FGD5: variants seen among roughly 807,000 people sequenced by gnomAD.
The protein encoded by FGD5 is FYVE, RhoGEF and PH domain containing 5, also known as FYVE, RhoGEF and PH domain-containing protein 5.
A neutral mutation model predicts 133.4 loss-of-function variants in FGD5; 28 were observed. That is an observed-to-expected ratio of 0.21 (90% CI 0.16 to 0.29). The LOEUF (loss-of-function observed/expected upper bound fraction) is 0.29. FGD5 is among the 10% of genes least tolerant of loss of function. The probability of loss-of-function intolerance (pLI) is 1.00; values close to 1 mark genes in which losing one functional copy is unlikely to be tolerated. For missense variants in FGD5, 1,858 were observed against 1,895.2 expected, an observed-to-expected ratio of 0.98 and a Z score of 0.36; for synonymous variants, 810 against 776.5, an observed-to-expected ratio of 1.04 and a Z score of -0.72.
rs372901015 is a variant in FGD5 at position 14,904,758 on chromosome 3, T to C, written c.3265-2882T>C. On this transcript the variant is annotated intron_variant, in intron 9 of 19. Coordinates refer to ENST00000285046, the MANE Select transcript of FGD5 (RefSeq NM_152536.4). ...CAAAGAAATATATGTGTATACCAGC[T>C]TTTGCATATACCCATATCTGTAGAT... 9.2e-5 allele frequency among the ~76,000 whole-genome samples: 14 copies of C among 152,332 alleles called. No individual in the cohort carries two copies. In the East Asian group the frequency reaches 2.1e-3, roughly 23 times the overall value.
chr3:14,817,135 A>T (rs902234622), upstream of FGD5, among the ~76,000 whole-genome samples: 2 of 152,368 alleles, frequency 1.3e-5, no homozygotes, highest in South Asian at 4.1e-4. Flanking sequence ...TTATATATTG[A>T]TTACATATTG....
rs1456708895 is a variant in FGD5 at position 14,819,278 on chromosome 3, C to T, written c.207C>T (p.Pro69=). The change falls in exon 1 of 20, where the codon CCC becomes CCT. Residue 69 remains proline, a synonymous_variant. Transcript: ENST00000285046. This position sits in a 1 kb window ranked among gnomAD's most constrained non-coding sequence, Gnocchi z 4.1. ...SETDEDYIVV[P]RVPLREDEPK... The stretch of plus-strand genomic sequence containing the variant: ...CCGACGAGGATTACATCGTGGTCCC[C>T]AGGGTTCCGCTGAGGGAGGATGAAC... The T allele has an allele frequency of 6.5e-7, 1 of 1,531,620 alleles. No individual in the cohort carries two copies. Among genetic ancestry groups the T allele is most frequent in the South Asian group, 1.3e-5 (1 of 79,780 alleles). 94.9% of individuals were successfully genotyped at this position (1,531,620 alleles called of 1,614,324 possible). A position where few individuals can be genotyped will look rare whatever the true frequency, so the allele number is the denominator to read the frequency against.
chr3:14,933,541 T>C lies in FGD5; in HGVS notation c.*374T>C. On this transcript the variant is annotated 3_prime_UTR_variant, in exon 20 of 20. Coordinates refer to ENST00000285046, the MANE Select transcript of FGD5 (RefSeq NM_152536.4). ...AAGAAGCTCTTACAGTTTTTACTCATGATAAATCTTATCACCTTTCAAAAA... is the reference window on the plus strand; with the variant it reads ...AAGAAGCTCTTACAGTTTTTACTCACGATAAATCTTATCACCTTTCAAAAA... 4.5e-6 allele frequency: 1 copy of C among 222,536 alleles called. No individual in the cohort carries two copies. Among genetic ancestry groups the C allele is most frequent in the South Asian group, 7.8e-5 (1 of 12,902 alleles). The allele number at this position is 222,536 out of a possible 1,614,324, so 13.8% of individuals were successfully genotyped here.
At position 14,874,222 on chromosome 3, in the gene FGD5, G is replaced by T. The variant is rs1219697422; in HGVS notation, c.2659-6350G>T. Among the ~76,000 whole-genome samples the T allele has an allele frequency of 3.3e-5, 5 of 152,162 alleles. No individual in the cohort carries two copies. In the East Asian group the frequency reaches 7.7e-4, roughly 23 times the overall value. The stretch of plus-strand genomic sequence containing the variant: ...TACTGCATGAGTGCACTTACATGAG[G>T]TGTCTAAAATATAGGGCCAGGCATG... On this transcript the variant is annotated intron_variant, in intron 2 of 19. Transcript: ENST00000285046.
intron 1 of FGD5, among the ~76,000 whole-genome samples, chr3:14,846,397 A>C (rs558013992): frequency 6.6e-6 from 1 of 152,030 alleles, no homozygotes; most frequent in Non-Finnish European, 1.5e-5. Flanking sequence ...CCAGCTTTCT[A>C]TTGTCGTGGT....
At position 14,897,584 on chromosome 3, in the gene FGD5, C is replaced by T; in HGVS notation, c.2824C>T (p.Leu942=). 6.2e-7 allele frequency: 1 copy of T among 1,604,576 alleles called. No homozygotes were observed. The highest frequency in any genetic ancestry group is 1.1e-5 in the South Asian group (1 of 88,846). The part of the protein sequence containing the change: ...EGRDTLAREE[L]RQGLSELPAI... Reference sequence around the variant, plus strand: ...CAGAGACACATTGGCCCGGGAGGAGCTGAGGCAGGGCCTGAGTGAACTCCC... The same window carrying T: ...CAGAGACACATTGGCCCGGGAGGAGTTGAGGCAGGGCCTGAGTGAACTCCC... Residue 942 remains leucine (L), a synonymous_variant, in exon 5 of 20, where the codon CTG becomes TTG. Coordinates refer to ENST00000285046, the MANE Select transcript of FGD5 (RefSeq NM_152536.4).
At chr3:14,824,565 A>G (rs2036567891) in intron 1 of FGD5, among the ~76,000 whole-genome samples, 2 of 152,226 alleles carry the variant, frequency 1.3e-5, no homozygotes, top group South Asian at 2.1e-4. Context: ...TAAGGTCCCA[A>G]CACTTGTTAT....
At chr3:14,923,495 G>C (rs2038727809) in intron 16 of FGD5, 1 of 365,620 alleles carries the variant, frequency 2.7e-6, no homozygotes, top group South Asian at 3.5e-5. Context: ...ATAGGCCTGT[G>C]CCTGTAGCGC....
intron 18 of FGD5, among the ~76,000 whole-genome samples, chr3:14,930,406 G>A (rs1000620751): frequency 6.6e-6 from 1 of 152,138 alleles, no homozygotes; most frequent in East Asian, 1.9e-4. Flanking sequence ...GTCCAGCCTG[G>A]CCAACACAAT....
At chr3:14,921,822 T>G (rs1053443209) in intron 13 of FGD5, 96 bp from the exon 14 acceptor site, 37 of 1,176,052 alleles carry the variant, frequency 3.1e-5, no homozygotes, top group Non-Finnish European at 4.6e-5. Flanking sequence ...AGGTGCAGGC[T>G]CAAGGGGCAT....
chr3:14,823,942 G>A (rs1247531687), intron 1 of FGD5, among the ~76,000 whole-genome samples: 1 of 152,240 alleles, frequency 6.6e-6, no homozygotes, highest in Non-Finnish European at 1.5e-5. Flanking sequence ...CTCCTGGATC[G>A]TGACTGTTTA....
chr3:14,820,286 C>T lies in FGD5; in HGVS notation c.1215C>T (p.Ala405=), dbSNP rs774398429. 6.2e-6 allele frequency: 10 copies of T among 1,604,590 alleles called. No individual in the cohort carries two copies. Among genetic ancestry groups the T allele is most frequent in the South Asian group, 3.4e-5 (3 of 89,232 alleles). ...GTGGCTCCCTACAGGGTGGAGCGGC[C>T]GAGGGTCCCGCAGCCCCTGATGTGG... The part of the protein sequence containing the change: ...GQCGSLQGGA[A]EGPAAPDVVV... The change falls in exon 1 of 20, where the codon GCC becomes GCT. Residue 405 remains alanine, a synonymous_variant. Transcript: ENST00000285046.
intron 13 of FGD5, 60 bp downstream of exon 13, chr3:14,918,893 A>G (rs1297511450): frequency 1.9e-6 from 3 of 1,560,956 alleles, no homozygotes; most frequent in Non-Finnish European, 1.8e-6. Context: ...GGGAAGGTTC[A>G]GAACAACAGA....
intron 13 of FGD5, 146 bp downstream of exon 13, chr3:14,918,979 T>A: frequency 1.2e-6 from 1 of 836,052 alleles, no homozygotes; most frequent in Non-Finnish European, 1.8e-6. Flanking sequence ...TTTTTTCTTT[T>A]CAGTGTTTCT....
At chr3:14,811,217 C>CCAAAACCTTTG (rs1159792053) in intron 1 of FGD5, 1 of 152,244 alleles carries the variant, frequency 6.6e-6, no homozygotes, top group Non-Finnish European at 1.5e-5. Context: ...TCGTCTGGCC[C>CCAAAACCTTTG]CAAAACCTTT....
At chr3:14,883,488 A>T (rs2037867511) in intron 4 of FGD5, among the ~76,000 whole-genome samples, 1 of 152,090 alleles carries the variant, frequency 6.6e-6, no homozygotes, top group African/African-American at 2.4e-5. Context: ...CCATGCACCC[A>T]TTCACTCTCA....
chr3:14,874,138 T>C (rs879688914), intron 2 of FGD5, among the ~76,000 whole-genome samples: 1 of 152,208 alleles, frequency 6.6e-6, no homozygotes, highest in African/African-American at 2.4e-5. Flanking sequence ...TTTGCAACGA[T>C]GTGAATGAAC....
chr3:14,870,218 C>T (rs1559487220), intron 2 of FGD5, among the ~76,000 whole-genome samples: 1 of 152,150 alleles, frequency 6.6e-6, no homozygotes, highest in Non-Finnish European at 1.5e-5. Context: ...AGTGCAAGGG[C>T]AGGAGGGCGG....
At chr3:14,919,463 A>G (rs1231884962) in intron 13 of FGD5, among the ~76,000 whole-genome samples, 2 of 152,134 alleles carry the variant, frequency 1.3e-5, no homozygotes, top group African/African-American at 4.8e-5. Context: ...CTAAAAATAC[A>G]AAAAATTAGC....
Sources: gnomAD v4.1 joint callset for allele counts (sites outside exome capture counted in the v4.1 genomes callset) on GRCh38, gnomAD v4.1.1 for gene constraint, Gnocchi (gnomAD v3.1) non-coding constraint, MANE v1.5 for transcripts, NCBI Gene and HGNC (gene_info 2026-07-23, HGNC 2026-07-21) for gene names.